Variants in MAF observed in about 807,000 individuals in gnomAD.
The protein encoded by MAF is MAF bZIP transcription factor.
Under a neutral mutation model 22.0 loss-of-function variants are expected in MAF, and 10 were observed. That is an observed-to-expected ratio of 0.45 (90% CI 0.28 to 0.77). The LOEUF (loss-of-function observed/expected upper bound fraction) is 0.77. Ranked by LOEUF, MAF falls within the 30% of genes least tolerant of loss-of-function variation. MAF has a pLI of 0.12. For synonymous variants in MAF, 337 were observed against 255.8 expected (o/e 1.32, Z -3.03); for missense variants, 544 against 548.4 (o/e 0.99, Z 0.08).
chr16:79,211,157 A>G, the MAF span, among the ~76,000 whole-genome samples: 1 of 151,948 alleles, frequency 6.6e-6, no homozygotes, highest in South Asian at 2.1e-4. Context: ...TGGGTTTTCT[A>G]CCTGATGGAC....
chr16:79,565,219 C>T, the MAF span, among the ~76,000 whole-genome samples: 1 of 152,188 alleles, frequency 6.6e-6, no homozygotes. Context: ...GGGAGTTGAA[C>T]CCGGCCCAAT....
the MAF span, among the ~76,000 whole-genome samples, chr16:79,307,898 G>A: frequency 6.6e-6 from 1 of 152,174 alleles, no homozygotes; most frequent in Non-Finnish European, 1.5e-5. Flanking sequence ...GCCCCAGGAA[G>A]CAGTTCCTCT....
the MAF span, among the ~76,000 whole-genome samples, chr16:79,445,257 A>C: frequency 2.0e-5 from 3 of 150,774 alleles, no homozygotes; most frequent in Non-Finnish European, 4.4e-5. Flanking sequence ...GTTAGCCAGG[A>C]TGGTCTGGAT....
At chr16:79,378,951 A>C in the MAF span, among the ~76,000 whole-genome samples, 1,869 of 152,322 alleles carry the variant, frequency 0.012, 34 homozygotes, top group African/African-American at 0.04. Flanking sequence ...ATAAACATCA[A>C]TACCTATTTT....
chr16:79,292,621 G>T, the MAF span, among the ~76,000 whole-genome samples: 1 of 152,128 alleles, frequency 6.6e-6, no homozygotes. Context: ...TTGAATAGGG[G>T]CTGGTCACAA....
intron 1 of MAF, chr16:79,596,258 G>C (rs1346170430): frequency 9.4e-7 from 1 of 1,059,084 alleles, no homozygotes; most frequent in Admixed American, 5.4e-5. Flanking sequence ...GAAAACTTTG[G>C]GGAGAAAAAA....
chr16:79,219,916 C>G, the MAF span, among the ~76,000 whole-genome samples: 2 of 152,130 alleles, frequency 1.3e-5, no homozygotes, highest in African/African-American at 2.4e-5. Flanking sequence ...AAAGTTGTAT[C>G]ATCGTATTTA....
At chr16:79,376,117 A>C in the MAF span, among the ~76,000 whole-genome samples, 1 of 152,154 alleles carries the variant, frequency 6.6e-6, no homozygotes, top group Non-Finnish European at 1.5e-5. Flanking sequence ...AGAGAAAAAA[A>C]AAAGAGCAAA....
At chr16:79,325,100 T>G in the MAF span, among the ~76,000 whole-genome samples, 1 of 152,196 alleles carries the variant, frequency 6.6e-6, no homozygotes, top group Non-Finnish European at 1.5e-5. Context: ...GGTCTCAACT[T>G]GAGACCCTTA....
chr16:79,428,021 G>A, the MAF span, among the ~76,000 whole-genome samples: 2 of 151,222 alleles, frequency 1.3e-5, no homozygotes, highest in Non-Finnish European at 2.9e-5. Context: ...AAACCTGGGA[G>A]GTGGAGCTTG....
At chr16:79,499,457 G>C in the MAF span, among the ~76,000 whole-genome samples, 1 of 152,342 alleles carries the variant, frequency 6.6e-6, no homozygotes, top group Non-Finnish European at 1.5e-5. Flanking sequence ...GTGGCTTCCT[G>C]CTAGGATCTG....
chr16:79,307,725 C>G, the MAF span, among the ~76,000 whole-genome samples: 1 of 152,162 alleles, frequency 6.6e-6, no homozygotes, highest in Non-Finnish European at 1.5e-5. Context: ...CTCCCCATAC[C>G]TGTTTTTCTG....
At chr16:79,440,986 G>C in the MAF span, among the ~76,000 whole-genome samples, 12 of 152,200 alleles carry the variant, frequency 7.9e-5, no homozygotes, top group Admixed American at 2.6e-4. Context: ...GTGATGTGGA[G>C]TCGTAATGTC....
At chr16:79,254,202 T>C in the MAF span, among the ~76,000 whole-genome samples, 2 of 152,178 alleles carry the variant, frequency 1.3e-5, no homozygotes, top group African/African-American at 4.8e-5. Context: ...TTCGAATAAT[T>C]TTCTACTAAA....
the MAF span, among the ~76,000 whole-genome samples, chr16:79,425,252 T>C: frequency 4.6e-5 from 7 of 152,222 alleles, no homozygotes; most frequent in African/African-American, 1.4e-4. Flanking sequence ...AGTATTGTGA[T>C]GGAGGTTCCT....
At chr16:79,549,637 T>C in the MAF span, among the ~76,000 whole-genome samples, 8 of 152,188 alleles carry the variant, frequency 5.3e-5, no homozygotes, top group Admixed American at 4.6e-4. Flanking sequence ...AGACACTCAC[T>C]TGAAAATGAT....
At chr16:79,588,760 C>A (rs1206937845) in intron 1 of MAF, among the ~76,000 whole-genome samples, 1 of 151,956 alleles carries the variant, frequency 6.6e-6, no homozygotes, top group African/African-American at 2.4e-5. Context: ...CCACACCGGG[C>A]CAGATTTATC....
the MAF span, chr16:79,212,989 AG>A: frequency 6.6e-6 from 1 of 151,866 alleles, no homozygotes; most frequent in Non-Finnish European, 1.5e-5. Context: ...GAGTTATTTT[AG>A]TCCTCAATGG....
At chr16:79,302,282 C>T in the MAF span, among the ~76,000 whole-genome samples, 2 of 152,244 alleles carry the variant, frequency 1.3e-5, no homozygotes, top group African/African-American at 2.4e-5. Context: ...TTCTGGTTGA[C>T]TTTAAAGCAG....
Sources: allele counts gnomAD v4.1 joint callset (sites outside exome capture counted in the v4.1 genomes callset), GRCh38; gene constraint gnomAD v4.1.1; transcripts MANE v1.5; gene names NCBI Gene and HGNC (gene_info 2026-07-23, HGNC 2026-07-21).